GTF3C5: variants seen among roughly 807,000 people sequenced by gnomAD.
GTF3C5 encodes the protein general transcription factor IIIC subunit 5.
Under a neutral mutation model 61.0 loss-of-function variants are expected in GTF3C5, and 47 were observed. That is an observed-to-expected ratio of 0.77 (90% CI 0.61 to 0.98). GTF3C5 has a LOEUF of 0.98. Ranked by LOEUF, GTF3C5 falls within the 50% of genes least tolerant of loss-of-function variation. The pLI is 0.00. For missense variants in GTF3C5, 659 were observed against 703.3 expected (o/e 0.94, Z 0.71); for synonymous variants, 295 against 275.4 (o/e 1.07, Z -0.71).
At chr9:133,047,050 G>T (rs935473623) in intron 3 of GTF3C5, among the ~76,000 whole-genome samples, 2 of 152,156 alleles carry the variant, frequency 1.3e-5, no homozygotes, top group Admixed American at 6.5e-5. Context: ...GGAGCGTCCA[G>T]TGAGCAACAT....
At chr9:133,057,172 C>T (rs1829962977) in intron 10 of GTF3C5, among the ~76,000 whole-genome samples, 1 of 152,256 alleles carries the variant, frequency 6.6e-6, no homozygotes, top group African/African-American at 2.4e-5. Flanking sequence ...GGTGCAGCAG[C>T]CTGGCACTGC....
upstream of GTF3C5, chr9:133,030,737 C>G: frequency 3.5e-6 from 2 of 567,616 alleles, no homozygotes; most frequent in South Asian, 4.0e-5. Context: ...CCCTCGCTGG[C>G]TAGTAGGAGA....
chr9:133,032,135 A>G (rs1340009111), intron 1 of GTF3C5, among the ~76,000 whole-genome samples: 2 of 152,166 alleles, frequency 1.3e-5, no homozygotes, highest in Non-Finnish European at 2.9e-5. Flanking sequence ...ACTGTGTCCT[A>G]TAGGCTGGTC....
At chr9:133,056,191 C>T in intron 9 of GTF3C5, 97 bp downstream of exon 9, 1 of 977,300 alleles carries the variant, frequency 1.0e-6, no homozygotes. Flanking sequence ...CGGCCTTCAT[C>T]TCCGGCAAGA....
chr9:133,056,754 C>T lies in GTF3C5; in HGVS notation c.1251-12C>T. 4 of 1,587,558 alleles carry T rather than the reference C, an allele frequency of 2.5e-6. No individual in the cohort carries two copies. Among genetic ancestry groups the T allele is most frequent in the Non-Finnish European group, 3.4e-6 (4 of 1,166,302 alleles). On this transcript the variant is annotated splice_polypyrimidine_tract_variant and intron_variant, in intron 9 of 10. Coordinates refer to ENST00000372097, the MANE Select transcript of GTF3C5 (RefSeq NM_012087.4). Reference sequence around the variant, plus strand: ...CTGGGACTTTATGTCCCAACCCTCTCCCCACCCCCAGGTTGCAGAAGATCA... The same window carrying T: ...CTGGGACTTTATGTCCCAACCCTCTTCCCACCCCCAGGTTGCAGAAGATCA...
intron 1 of GTF3C5, among the ~76,000 whole-genome samples, chr9:133,036,612 C>T (rs895730418): frequency 2.6e-5 from 4 of 152,020 alleles, no homozygotes; most frequent in South Asian, 2.1e-4. Flanking sequence ...AGGGCTAGGA[C>T]GGGGCAGTTA....
intron 3 of GTF3C5, chr9:133,044,146 CAAAAAAAAA>C (rs34524914): frequency 1.4e-4 from 15 of 108,520 alleles, no homozygotes; most frequent in South Asian, 4.5e-4. Flanking sequence ...CTTTGTCTCC[CAAAAAAAAA>C]AAAAAAAAAA....
intron 1 of GTF3C5, among the ~76,000 whole-genome samples, chr9:133,039,891 A>G (rs568004873): frequency 9.2e-5 from 14 of 152,340 alleles, no homozygotes; most frequent in African/African-American, 3.4e-4. Context: ...TACATGGTAC[A>G]AGGGGATTTG....
chr9:133,032,964 G>A (rs927418302), intron 1 of GTF3C5, among the ~76,000 whole-genome samples: 2 of 152,120 alleles, frequency 1.3e-5, no homozygotes, highest in Non-Finnish European at 2.9e-5. Flanking sequence ...TGACACAAAC[G>A]CCACCCCTCT....
At chr9:133,050,104 A>C (rs753953565) in intron 3 of GTF3C5, among the ~76,000 whole-genome samples, 41 of 151,704 alleles carry the variant, frequency 2.7e-4, no homozygotes, top group Non-Finnish European at 6.0e-4. Flanking sequence ...TGTGAGCCAA[A>C]GAGTCATGCT....
intron 5 of GTF3C5, 46 bp from the exon 6 acceptor site, chr9:133,053,782 C>A: frequency 7.8e-7 from 1 of 1,278,098 alleles, no homozygotes. Context: ...GTCCAGGGAC[C>A]TGGGCCTTCA....
chr9:133,054,849 C>A, intron 8 of GTF3C5, 40 bp downstream of exon 8: 1 of 1,543,626 alleles, frequency 6.5e-7, no homozygotes, highest in Non-Finnish European at 8.8e-7. Context: ...GGGAGGACTT[C>A]CCTCTTGGGG....
chr9:133,054,620 G>A (rs1194250408), intron 7 of GTF3C5, 92 bp from the exon 8 acceptor site: 1 of 1,412,106 alleles, frequency 7.1e-7, no homozygotes, highest in African/African-American at 1.4e-5. Flanking sequence ...CCTAGGAGGG[G>A]GTGGGCTGGC....
chr9:133,056,794 G>A lies in GTF3C5; in HGVS notation c.1279G>A (p.Gly427Arg), dbSNP rs144801827. 189 of 1,608,468 alleles carry A rather than the reference G, an allele frequency of 1.2e-4. No individual in the cohort carries two copies. Among genetic ancestry groups the A allele is most frequent in the Non-Finnish European group, 1.4e-4 (170 of 1,177,418 alleles). ...ELQKIIHRNDGAENSCTERDG... is the reference protein window; with the variant it reads ...ELQKIIHRNDRAENSCTERDG... ...GCAGAAGATCATTCACCGCAATGAC[G>A]GGGCAGAGAATTCCTGCACAGAACG... The change falls in exon 10 of 11, where the codon GGG becomes AGG. Residue 427 changes from glycine to arginine, a missense_variant. Gly to Arg is a moderately radical substitution (Grantham distance 125). Coordinates refer to ENST00000372097, the MANE Select transcript of GTF3C5 (RefSeq NM_012087.4).
chr9:133,050,756 G>C lies in GTF3C5; in HGVS notation c.573-27G>C, dbSNP rs199853249. The C allele has an allele frequency of 1.1e-5, 18 of 1,572,544 alleles. No individual in the cohort carries two copies. In the East Asian group the frequency reaches 4.2e-4, roughly 36 times the overall value. The stretch of plus-strand genomic sequence containing the variant: ...TGCCTGGGATGGCCTTGGTGCTCCT[G>C]TTCTCACCTGTACTCTCTGCCCCCA... On this transcript the variant is annotated intron_variant, in intron 3 of 10. Coordinates refer to ENST00000372097, the MANE Select transcript of GTF3C5 (RefSeq NM_012087.4).
At chr9:133,045,643 T>C (rs975022964) in intron 3 of GTF3C5, among the ~76,000 whole-genome samples, 2 of 152,140 alleles carry the variant, frequency 1.3e-5, no homozygotes, top group African/African-American at 4.8e-5. Context: ...TTTTTTTCTT[T>C]TTCTTTTTGA....
intron 6 of GTF3C5, 75 bp from the exon 7 acceptor site, chr9:133,054,333 C>A: frequency 7.9e-7 from 1 of 1,259,316 alleles, no homozygotes; most frequent in Non-Finnish European, 1.2e-6. Context: ...CAACTCCCAT[C>A]TCCAGTGTGA....
At chr9:133,055,640 G>A in intron 8 of GTF3C5, 1 of 985,436 alleles carries the variant, frequency 1.0e-6, no homozygotes, top group Non-Finnish European at 1.2e-6. Flanking sequence ...GGGGGACATA[G>A]GGTGACAAAT....
At position 133,058,274 on chromosome 9, in the gene GTF3C5, G is replaced by A. The variant is rs1055416245; in HGVS notation, c.*294G>A. ...TGAGTGGGCACCCAATGCCTCTCAGGATGAGACCAGTAAATGCCGGAGGTG... is the reference window on the plus strand; with the variant it reads ...TGAGTGGGCACCCAATGCCTCTCAGAATGAGACCAGTAAATGCCGGAGGTG... On this transcript the variant is annotated 3_prime_UTR_variant, in exon 11 of 11. Coordinates refer to ENST00000372097, the MANE Select transcript of GTF3C5 (RefSeq NM_012087.4). The A allele has an allele frequency of 5.0e-6, 3 of 594,196 alleles. No homozygotes were observed. Among genetic ancestry groups the A allele is most frequent in the East Asian group, 1.4e-4 (2 of 14,202 alleles). 36.8% of individuals were successfully genotyped at this position (594,196 alleles called of 1,614,324 possible). A position where few individuals can be genotyped will look rare whatever the true frequency, so the allele number is the denominator to read the frequency against.
Sources: gnomAD v4.1 joint callset for allele counts (sites outside exome capture counted in the v4.1 genomes callset) on GRCh38, gnomAD v4.1.1 for gene constraint, MANE v1.5 for transcripts, NCBI Gene and HGNC (gene_info 2026-07-23, HGNC 2026-07-21) for gene names.